Variants in SUGP1 observed in about 807,000 individuals in gnomAD.
SUGP1 encodes the protein SURP and G-patch domain-containing protein 1.
Under a neutral mutation model 76.5 loss-of-function variants are expected in SUGP1, and 34 were observed. That is an observed-to-expected ratio of 0.44 (90% CI 0.34 to 0.59). The LOEUF is 0.59. SUGP1 is among the 20% of genes least tolerant of loss of function. SUGP1 has a pLI of 0.01. For missense variants in SUGP1, 752 were observed against 851.7 expected (o/e 0.88, Z 1.46); for synonymous variants, 326 against 326.2 (o/e 1.00, Z 0.01).
At chr19:19,314,902 C>T (rs1034127836) in intron 2 of SUGP1, among the ~76,000 whole-genome samples, 13 of 152,174 alleles carry the variant, frequency 8.5e-5, no homozygotes, top group African/African-American at 2.7e-4. Flanking sequence ...GGCGTGGCAG[C>T]GCATGCCTGT....
chr19:19,318,672 C>T (rs2061412763), intron 1 of SUGP1, among the ~76,000 whole-genome samples: 2 of 152,138 alleles, frequency 1.3e-5, no homozygotes, highest in Admixed American at 1.3e-4. Context: ...TCAAGGGAGC[C>T]TCCCATTTAA....
At chr19:19,315,640 C>T (rs976971803) in intron 2 of SUGP1, among the ~76,000 whole-genome samples, 21 of 152,284 alleles carry the variant, frequency 1.4e-4, no homozygotes, top group South Asian at 8.3e-4. Context: ...CCCCTTCCTG[C>T]CCTCTGCTGG....
chr19:19,302,073 G>A lies in SUGP1; in HGVS notation c.887+192C>T, dbSNP rs553577035. ...GTGCACCTGCCTCAGAGACTACCCAGGGGTGCTGGTGTGTGCGTGGGACAT... is the reference window on the plus strand; with the variant it reads ...GTGCACCTGCCTCAGAGACTACCCAAGGGTGCTGGTGTGTGCGTGGGACAT... On this transcript the variant is annotated intron_variant, in intron 7 of 13. Coordinates refer to ENST00000247001, the MANE Select transcript of SUGP1 (RefSeq NM_172231.4). The A allele has an allele frequency of 2.0e-4, 158 of 799,272 alleles. No individual in the cohort carries two copies. In the East Asian group the frequency reaches 3.5e-3, roughly 18 times the overall value. The allele number at this position is 799,272 out of a possible 1,614,324, so 49.5% of individuals were successfully genotyped here. A position where few individuals can be genotyped will look rare whatever the true frequency, so the allele number is the denominator to read the frequency against.
chr19:19,278,409 A>G (rs1329956380), intron 11 of SUGP1, among the ~76,000 whole-genome samples: 1 of 152,184 alleles, frequency 6.6e-6, no homozygotes, highest in Non-Finnish European at 1.5e-5. Context: ...CTTCTGCCGG[A>G]GAAACACTTT....
At chr19:19,315,383 C>T (rs1053591604) in intron 2 of SUGP1, among the ~76,000 whole-genome samples, 9 of 151,980 alleles carry the variant, frequency 5.9e-5, no homozygotes, top group African/African-American at 9.7e-5. Flanking sequence ...GGAAGGTTAA[C>T]ACACTCTACA....
intron 5 of SUGP1, 52 bp downstream of exon 5, chr19:19,303,672 G>A: frequency 5.0e-6 from 8 of 1,606,136 alleles, no homozygotes; most frequent in South Asian, 1.1e-5. Context: ...ACGTGCGACT[G>A]TGCAGCAAAC....
At chr19:19,305,053 C>G (rs1353146585) in intron 4 of SUGP1, among the ~76,000 whole-genome samples, 9 of 152,164 alleles carry the variant, frequency 5.9e-5, no homozygotes, top group African/African-American at 1.9e-4. Context: ...CTTGGAGCTG[C>G]TGGGGCACCC....
intron 8 of SUGP1, among the ~76,000 whole-genome samples, chr19:19,291,489 T>C (rs764671975): frequency 1.3e-5 from 2 of 152,050 alleles, no homozygotes; most frequent in Non-Finnish European, 2.9e-5. Context: ...ACAAATTAGA[T>C]AGATGAAGTG....
intron 8 of SUGP1, among the ~76,000 whole-genome samples, chr19:19,285,867 GCACCAGAACT>G (rs2061135849): frequency 6.6e-6 from 1 of 152,122 alleles, no homozygotes; most frequent in Admixed American, 6.6e-5. Flanking sequence ...ACCCGGCCAA[GCACCAGAACT>G]TAAGGCAGGA....
chr19:19,303,231 C>T, intron 6 of SUGP1, 117 bp downstream of exon 6: 1 of 833,982 alleles, frequency 1.2e-6, no homozygotes, highest in Non-Finnish European at 2.0e-6. Flanking sequence ...GAATACAGGC[C>T]TCAACCACCG....
chr19:19,280,322 C>G, intron 8 of SUGP1, 31 bp from the exon 9 acceptor site: 1 of 1,597,872 alleles, frequency 6.3e-7, no homozygotes, highest in South Asian at 1.1e-5. Context: ...GTAGTCAGAG[C>G]CTGACAGGTG....
intron 3 of SUGP1, among the ~76,000 whole-genome samples, chr19:19,306,786 T>C (rs576789847): frequency 1.3e-5 from 2 of 152,232 alleles, no homozygotes; most frequent in Admixed American, 1.3e-4. Flanking sequence ...AGGCCGGGAA[T>C]CCCCTGGGGC....
chr19:19,318,423 T>A (rs1337092922), intron 1 of SUGP1, among the ~76,000 whole-genome samples: 1 of 151,576 alleles, frequency 6.6e-6, no homozygotes, highest in African/African-American at 2.4e-5. Flanking sequence ...CCCAGCCGTT[T>A]TTTTTGTTTT....
intron 4 of SUGP1, 29 bp from the exon 5 acceptor site, chr19:19,303,876 C>A (rs1453083259): frequency 6.2e-7 from 1 of 1,613,038 alleles, no homozygotes; most frequent in African/African-American, 1.3e-5. Context: ...TACTGGGGTT[C>A]AACTCACACA....
At chr19:19,303,512 C>A in intron 5 of SUGP1, 64 bp from the exon 6 acceptor site, 1 of 1,490,460 alleles carries the variant, frequency 6.7e-7, no homozygotes, top group South Asian at 1.1e-5. Context: ...CATATCCCTG[C>A]AGCTTCTATC....
rs574361148 is a variant in SUGP1, at chr19:19,304,859, T to C, written c.538+990A>G. On this transcript the variant is annotated intron_variant, in intron 4 of 13. Transcript: ENST00000247001. ...GGGCCCCTGTGAGGTCCCGAGAGCA[T>C]TCCGTGACTGTCTTTCACCCTAGGT... Among the ~76,000 whole-genome samples, 97 of 152,174 alleles carry C rather than the reference T, an allele frequency of 6.4e-4. No individual in the cohort carries two copies. The South Asian group carries it at 0.012, about 19-fold the overall frequency.
intron 4 of SUGP1, among the ~76,000 whole-genome samples, chr19:19,304,897 A>G (rs1461704577): frequency 1.3e-5 from 2 of 152,126 alleles, no homozygotes; most frequent in Non-Finnish European, 2.9e-5. Context: ...CCCTCCTGCC[A>G]TGGGCCCAGC....
chr19:19,292,244 G>A (rs1364633377), intron 8 of SUGP1, among the ~76,000 whole-genome samples: 2 of 145,592 alleles, frequency 1.4e-5, no homozygotes, highest in Non-Finnish European at 3.0e-5. Flanking sequence ...CTGCACTCCA[G>A]CCAGGGTGAC....
At position 19,276,335 on chromosome 19, in the gene SUGP1, G is replaced by A. The variant is rs946792339; in HGVS notation, c.*313C>T. The A allele has an allele frequency of 3.7e-5, 12 of 326,606 alleles. No individual in the cohort carries two copies. The highest frequency in any genetic ancestry group is 2.1e-4 in the African/African-American group (10 of 47,068). 20.2% of individuals were successfully genotyped at this position (326,606 alleles called of 1,614,324 possible). On this transcript the variant is annotated 3_prime_UTR_variant, in exon 14 of 14. Transcript: ENST00000247001. ...CAAAGTGCTGGGATGACAGGGGTGA[G>A]ACACTGCACCTGGCCTTCCAGCTTT...
Sources: allele counts gnomAD v4.1 joint callset (sites outside exome capture counted in the v4.1 genomes callset), GRCh38; gene constraint gnomAD v4.1.1; transcripts MANE v1.5; gene names NCBI Gene and HGNC (gene_info 2026-07-23, HGNC 2026-07-21).